TG: variants seen among roughly 807,000 people sequenced by gnomAD.
TG encodes the protein thyroglobulin.
TG carries 270 observed loss-of-function variants against 324.7 expected under a neutral mutation model. The observed-to-expected ratio is 0.83, with a 90% CI of 0.75 to 0.92. The LOEUF (loss-of-function observed/expected upper bound fraction) is 0.92, where lower values mean the gene tolerates loss of function less well. TG is among the 40% of genes least tolerant of loss of function. The pLI is 0.00. For missense variants in TG, 3,591 were observed against 3,456.4 expected (o/e 1.04, Z -0.98); for synonymous variants, 1,401 against 1,327.0 (o/e 1.06, Z -1.21).
chr8:132,879,099 C>T (rs1255934437), intron 5 of TG, among the ~76,000 whole-genome samples: 1 of 152,218 alleles, frequency 6.6e-6, no homozygotes, highest in East Asian at 1.9e-4. Context: ...GCTAAACAAT[C>T]TTCATGGTGC....
intron 43 of TG, chr8:133,106,410 G>A (rs1564197604): frequency 1.0e-6 from 1 of 985,368 alleles, no homozygotes; most frequent in East Asian, 1.1e-4. Flanking sequence ...TCTCTGGCAG[G>A]TCACATTTGC....
rs559159165 is a variant in TG, at chr8:132,897,984, A to G, written c.3140-185A>G. On this transcript the variant is annotated intron_variant, in intron 12 of 47. Transcript: ENST00000220616. ...CAGGAAACTTCTACCAGCCTGAAAG[A>G]CAAGTGGGTGGTTGCTGGGGGCATC... Among the ~76,000 whole-genome samples, 179 of 152,282 alleles carry G rather than the reference A, an allele frequency of 1.2e-3. 1 individual carries two copies. The highest frequency in any genetic ancestry group is 3.4e-3 in the Middle Eastern group (1 of 294).
rs541123585 is a variant in TG at position 133,098,129 on chromosome 8, T to C, written c.7572+1756T>C. On this transcript the variant is annotated intron_variant, in intron 43 of 47. Transcript: ENST00000220616. ...CCCTGAGGGGCTGAGATTTTATTAT[T>C]GGACAAGACAACCATTCAGGAATCA... Among the ~76,000 whole-genome samples the C allele has an allele frequency of 1.6e-4, 25 of 152,308 alleles. 1 individual carries two copies. The highest frequency in any genetic ancestry group is 1.2e-3 in the South Asian group (6 of 4,834).
intron 45 of TG, among the ~76,000 whole-genome samples, chr8:133,118,534 A>C (rs1255524304): frequency 6.6e-6 from 1 of 152,166 alleles, no homozygotes. Flanking sequence ...CATGTTGGCC[A>C]GGCTGGTCTC....
Position 132,872,980 on chromosome 8 carries a change from G to A in TG, c.479-82G>A, listed in dbSNP as rs577932498. The stretch of plus-strand genomic sequence containing the variant: ...CTCAGAGCTCATCCCCATTGCTAAG[G>A]GACACGAGTGCATATGCTGCTCGAC... On this transcript the variant is annotated intron_variant, in intron 4 of 47. Coordinates refer to ENST00000220616, the MANE Select transcript of TG (RefSeq NM_003235.5). The A allele has an allele frequency of 4.1e-6, 6 of 1,460,436 alleles. No homozygotes were observed. In the African/African-American group the frequency reaches 8.3e-5, roughly 20 times the overall value. The allele number at this position is 1,460,436 out of a possible 1,614,324, so 90.5% of individuals were successfully genotyped here.
intron 2 of TG, among the ~76,000 whole-genome samples, chr8:132,869,010 G>A (rs1476921351): frequency 6.6e-6 from 1 of 152,222 alleles, no homozygotes; most frequent in South Asian, 2.1e-4. Flanking sequence ...CCACGAGTGT[G>A]CAGAGATGCT....
At chr8:133,042,787 G>A (rs922333623) in intron 41 of TG, among the ~76,000 whole-genome samples, 6 of 143,422 alleles carry the variant, frequency 4.2e-5, no homozygotes, top group Non-Finnish European at 3.0e-5. Context: ...TCTGCCTCCT[G>A]GGTTCAAGTG....
At chr8:133,074,249 C>G (rs1308408883) in intron 41 of TG, among the ~76,000 whole-genome samples, 2 of 152,104 alleles carry the variant, frequency 1.3e-5, no homozygotes, top group Non-Finnish European at 2.9e-5. Flanking sequence ...TATTAATTAT[C>G]TTCGGCATCT....
Position 132,919,373 on chromosome 8 carries a change from T to C in TG, c.4379-3T>C, listed in dbSNP as rs1181665121. ...TTAACATCATTTCTCTGTTTTTTTC[T>C]AGTTAAGTGTCCTGAAGGAAGCTAT... On this transcript the variant is annotated splice_region_variant and splice_polypyrimidine_tract_variant and intron_variant, in intron 20 of 47. Coordinates refer to ENST00000220616, the MANE Select transcript of TG (RefSeq NM_003235.5). 1.2e-6 allele frequency: 2 copies of C among 1,613,752 alleles called. No homozygotes were observed. The highest frequency in any genetic ancestry group is 1.3e-5 in the African/African-American group (1 of 74,924).
At chr8:133,068,733 G>A (rs778015960) in intron 41 of TG, among the ~76,000 whole-genome samples, 4 of 152,232 alleles carry the variant, frequency 2.6e-5, no homozygotes, top group Non-Finnish European at 4.4e-5. Flanking sequence ...ATACGGAGGC[G>A]GGCAGCAGAA....
intron 27 of TG, among the ~76,000 whole-genome samples, chr8:132,957,614 A>G (rs1366619865): frequency 6.6e-6 from 1 of 152,106 alleles, no homozygotes; most frequent in Non-Finnish European, 1.5e-5. Flanking sequence ...GCTGAGAGGT[A>G]AAGACCTTCC....
chr8:133,088,670 G>A (rs1488492105), intron 41 of TG, among the ~76,000 whole-genome samples: 1 of 152,104 alleles, frequency 6.6e-6, no homozygotes, highest in African/African-American at 2.4e-5. Flanking sequence ...AAAAAAGAAG[G>A]AATAGCATTC....
At chr8:133,077,829 G>C (rs981105636) in intron 41 of TG, among the ~76,000 whole-genome samples, 7 of 151,876 alleles carry the variant, frequency 4.6e-5, no homozygotes, top group African/African-American at 1.7e-4. Flanking sequence ...ATGTGCCACA[G>C]CATCTCTGGA....
intron 34 of TG, among the ~76,000 whole-genome samples, chr8:132,977,905 A>G (rs2130624641): frequency 6.6e-6 from 1 of 152,362 alleles, no homozygotes; most frequent in East Asian, 1.9e-4. Context: ...ACTATATGCC[A>G]AACACCTTGG....
intron 37 of TG, among the ~76,000 whole-genome samples, chr8:133,016,081 G>A (rs951560215): frequency 1.3e-5 from 2 of 151,764 alleles, no homozygotes; most frequent in Non-Finnish European, 2.9e-5. Context: ...TATTCCTGTT[G>A]TAGGAGATGC....
At chr8:133,126,472 G>A (rs968822182) in intron 45 of TG, among the ~76,000 whole-genome samples, 6 of 150,662 alleles carry the variant, frequency 4.0e-5, no homozygotes, top group African/African-American at 1.5e-4. Flanking sequence ...GGTTAATCTA[G>A]CAAGATAGTT....
intron 21 of TG, 57 bp downstream of exon 21, chr8:132,919,582 A>G (rs1420499419): frequency 3.1e-6 from 5 of 1,605,422 alleles, no homozygotes; most frequent in Non-Finnish European, 3.4e-6. Flanking sequence ...ATGGAACTCA[A>G]CAGGGTTTCC....
chr8:133,032,536 C>T (rs2131002932), intron 41 of TG, among the ~76,000 whole-genome samples: 1 of 152,324 alleles, frequency 6.6e-6, no homozygotes, highest in South Asian at 2.1e-4. Context: ...AAAATAAACC[C>T]TTCCATCTGT....
intron 41 of TG, chr8:133,038,323 C>G: frequency 1.7e-6 from 1 of 599,818 alleles, no homozygotes; most frequent in Non-Finnish European, 3.0e-6. Context: ...GATGCCACAG[C>G]CCTGATCAGA....
Sources: allele counts gnomAD v4.1 joint callset (sites outside exome capture counted in the v4.1 genomes callset), GRCh38; gene constraint gnomAD v4.1.1; transcripts MANE v1.5; gene names NCBI Gene and HGNC (gene_info 2026-07-23, HGNC 2026-07-21).